Variants in SYT16 observed in about 807,000 individuals in gnomAD.
SYT16 encodes synaptotagmin 16, also known as synaptotagmin-16.
A neutral mutation model predicts 61.4 loss-of-function variants in SYT16; 42 were observed. That is an observed-to-expected ratio of 0.68 (90% confidence interval 0.53 to 0.89). SYT16 has a LOEUF of 0.89. Ranked by LOEUF, SYT16 falls within the 40% of genes least tolerant of loss-of-function variation. The pLI is 0.00. For synonymous variants in SYT16, 314 were observed against 302.3 expected (o/e 1.04, Z -0.40); for missense variants, 804 against 807.3 (o/e 1.00, Z 0.05).
chr14:62,054,303 G>A (rs1274995955), intron 3 of SYT16, among the ~76,000 whole-genome samples: 1 of 127,744 alleles, frequency 7.8e-6, no homozygotes, highest in African/African-American at 4.0e-5. Flanking sequence ...TCTACAGATT[G>A]TATGATTTTT....
At chr14:61,869,681 G>A (rs1377671308) in intron 1 of SYT16, among the ~76,000 whole-genome samples, 5 of 152,210 alleles carry the variant, frequency 3.3e-5, no homozygotes, top group African/African-American at 1.2e-4. Context: ...ATTTGTAGGT[G>A]AAAGCTTTGG....
intron 1 of SYT16, among the ~76,000 whole-genome samples, chr14:61,918,886 T>G (rs901176996): frequency 7.9e-5 from 12 of 152,160 alleles, no homozygotes; most frequent in African/African-American, 2.7e-4. Context: ...GCAAGGCATT[T>G]CTAGGTGCCA....
chr14:61,875,097 C>G (rs1360972197), intron 1 of SYT16, among the ~76,000 whole-genome samples: 1 of 152,186 alleles, frequency 6.6e-6, no homozygotes, highest in Non-Finnish European at 1.5e-5. Flanking sequence ...CTAAATCAGT[C>G]TACATTTTGG....
At chr14:62,018,034 G>C (rs751229546) in intron 3 of SYT16, among the ~76,000 whole-genome samples, 51 of 152,058 alleles carry the variant, frequency 3.4e-4, no homozygotes, top group Middle Eastern at 3.4e-3. Flanking sequence ...CTTACCTCCT[G>C]ATTTCTCTGT....
At chr14:61,829,335 T>G (rs909490659) in intron 1 of SYT16, among the ~76,000 whole-genome samples, 8 of 152,220 alleles carry the variant, frequency 5.3e-5, no homozygotes, top group African/African-American at 1.9e-4. Flanking sequence ...TTTCAAGATT[T>G]TTTTATTATC....
At chr14:62,083,050 A>G (rs541058254) in intron 6 of SYT16, among the ~76,000 whole-genome samples, 1 of 152,116 alleles carries the variant, frequency 6.6e-6, no homozygotes, top group Non-Finnish European at 1.5e-5. Flanking sequence ...CAAATATTTC[A>G]TTGTTGAATT....
At chr14:61,820,469 GTTTTTTT>G (rs71117856) in intron 1 of SYT16, among the ~76,000 whole-genome samples, 21 of 61,080 alleles carry the variant, frequency 3.4e-4, no homozygotes, top group African/African-American at 1.3e-3. Context: ...CCTCTTCAGA[GTTTTTTT>G]TTTTTTTTTT....
chr14:61,918,829 G>GA (rs1182176720), intron 1 of SYT16, among the ~76,000 whole-genome samples: 1 of 152,148 alleles, frequency 6.6e-6, no homozygotes, highest in Non-Finnish European at 1.5e-5. Flanking sequence ...AACAGAAGCA[G>GA]AAGGTACCTC....
intron 1 of SYT16, among the ~76,000 whole-genome samples, chr14:61,882,462 T>C (rs1038863790): frequency 6.6e-6 from 1 of 152,208 alleles, no homozygotes; most frequent in Non-Finnish European, 1.5e-5. Flanking sequence ...TTCACTATTA[T>C]GAGAACAGCA....
At chr14:61,972,434 A>C (rs1347344488) in intron 2 of SYT16, among the ~76,000 whole-genome samples, 1 of 152,248 alleles carries the variant, frequency 6.6e-6, no homozygotes, top group East Asian at 1.9e-4. Context: ...AAGCATGAAC[A>C]AAAGCTGTTC....
chr14:62,059,794 ACACACACT>A (rs1434310779), intron 3 of SYT16, among the ~76,000 whole-genome samples: 57 of 151,304 alleles, frequency 3.8e-4, no homozygotes, highest in African/African-American at 1.3e-3. Flanking sequence ...ACACACACAC[ACACACACT>A]CAATGTGAGA....
chr14:61,988,585 T>C (rs930737283), intron 2 of SYT16, among the ~76,000 whole-genome samples: 8 of 152,250 alleles, frequency 5.3e-5, no homozygotes, highest in Non-Finnish European at 1.0e-4. Flanking sequence ...GAGATCATCA[T>C]GCTCCAGAGC....
intron 1 of SYT16, among the ~76,000 whole-genome samples, chr14:61,843,231 A>G (rs2046350766): frequency 6.6e-6 from 1 of 152,190 alleles, no homozygotes; most frequent in South Asian, 2.1e-4. Flanking sequence ...CATCCTTGCC[A>G]GCATTTATGA....
intron 1 of SYT16, among the ~76,000 whole-genome samples, chr14:61,849,771 C>T (rs893140185): frequency 3.3e-5 from 5 of 152,162 alleles, no homozygotes; most frequent in Non-Finnish European, 7.3e-5. Context: ...GAAGTTAAAA[C>T]CAGGTACTCT....
intron 1 of SYT16, among the ~76,000 whole-genome samples, chr14:61,918,092 C>A (rs923073153): frequency 1.3e-5 from 2 of 152,072 alleles, no homozygotes; most frequent in African/African-American, 4.8e-5. Context: ...AGATGCTTGA[C>A]CTGCATAAGG....
chr14:61,879,478 G>T (rs1344671489), intron 1 of SYT16, among the ~76,000 whole-genome samples: 1 of 152,134 alleles, frequency 6.6e-6, no homozygotes, highest in Admixed American at 6.5e-5. Context: ...CTCTAACATT[G>T]CATGATCTAT....
At chr14:62,043,756 A>G (rs1402060839) in intron 3 of SYT16, among the ~76,000 whole-genome samples, 1 of 151,940 alleles carries the variant, frequency 6.6e-6, no homozygotes, top group Non-Finnish European at 1.5e-5. Flanking sequence ...TGAGATGATT[A>G]TATGTTTTTC....
chr14:61,956,751 T>C (rs1396850507), intron 1 of SYT16, among the ~76,000 whole-genome samples: 1 of 152,028 alleles, frequency 6.6e-6, no homozygotes, highest in East Asian at 1.9e-4. Flanking sequence ...CTCTAGCTTT[T>C]GTTTTTCTTA....
intron 3 of SYT16, among the ~76,000 whole-genome samples, chr14:62,012,001 T>TA (rs535698274): frequency 0.01 from 1,167 of 113,994 alleles, 14 homozygotes; most frequent in African/African-American, 0.02. Flanking sequence ...TCCTGCATGT[T>TA]AAAAAAAAAA....
Sources: allele counts gnomAD v4.1 joint callset (sites outside exome capture counted in the v4.1 genomes callset), GRCh38; gene constraint gnomAD v4.1.1; transcripts MANE v1.5; gene names NCBI Gene and HGNC (gene_info 2026-07-23, HGNC 2026-07-21).